TK2: variants seen among roughly 807,000 people sequenced by gnomAD.
TK2 encodes the protein thymidine kinase 2.
In TK2, 35 loss-of-function variants were observed where a neutral mutation model predicts 41.9. The observed-to-expected ratio is 0.84, with a 90% CI of 0.64 to 1.11. The LOEUF is 1.11. Among genes scored for constraint, TK2 ranks in the 50% least tolerant of loss-of-function variants. The pLI is 0.00. For synonymous variants in TK2, 128 were observed against 129.1 expected, an observed-to-expected ratio of 0.99 and a Z score of 0.06; for missense variants, 320 against 351.1, an observed-to-expected ratio of 0.91 and a Z score of 0.71.
intron 3 of TK2, among the ~76,000 whole-genome samples, chr16:66,539,205 C>G (rs989833685): frequency 1.3e-5 from 2 of 152,122 alleles, no homozygotes; most frequent in African/African-American, 4.8e-5. Flanking sequence ...CCCAAGCCCC[C>G]CCTCCTCCCC....
intron 5 of TK2, 67 bp downstream of exon 5, chr16:66,531,313 G>A: frequency 6.7e-7 from 1 of 1,499,646 alleles, no homozygotes; most frequent in South Asian, 1.2e-5. Context: ...TTCCCTTCCT[G>A]GCAATCACAT....
At chr16:66,531,357 GA>G in intron 5 of TK2, 22 bp downstream of exon 5, 1 of 1,610,084 alleles carries the variant, frequency 6.2e-7, no homozygotes, top group Non-Finnish European at 8.5e-7. Flanking sequence ...TAAGAAGGCT[GA>G]AACTGAGCAT....
chr16:66,524,796 T>C (rs1043594638), intron 6 of TK2: 4 of 150,670 alleles, frequency 2.7e-5, no homozygotes, highest in Non-Finnish European at 6.0e-5. Context: ...CAGGTGGTTG[T>C]GGGAGAAGCT....
Position 66,517,776 on chromosome 16 carries a change from G to T in TK2, c.538+13C>A. The T allele has an allele frequency of 6.2e-7, 1 of 1,612,732 alleles. No homozygotes were observed. The highest frequency in any genetic ancestry group is 1.1e-5 in the South Asian group (1 of 91,070). On this transcript the variant is annotated intron_variant, in intron 7 of 9. Coordinates refer to ENST00000544898, the MANE Select transcript of TK2 (RefSeq NM_004614.5). The surrounding 1 kb of genome is among the most constrained non-coding windows in gnomAD (Gnocchi z 4.3). ...GAGAGACAAGAGAGGGAGGTGGGAG[G>T]GGTGCATCTCACCTATCAAATCAAC... is the stretch of plus-strand genomic sequence containing the variant.
Position 66,514,683 on chromosome 16 carries a change from C to T in TK2, c.619-872G>A, listed in dbSNP as rs1229513377. Reference sequence around the variant, plus strand: ...CGTCTGGGAGGTGTACCCAATAGCTCATTGAGAACGGGCCATGATGACGAT... The same window carrying T: ...CGTCTGGGAGGTGTACCCAATAGCTTATTGAGAACGGGCCATGATGACGAT... On this transcript the variant is annotated intron_variant, in intron 8 of 9. Transcript: ENST00000544898. This position sits in a 1 kb window ranked among gnomAD's most constrained non-coding sequence, Gnocchi z 4.2. Among the ~76,000 whole-genome samples, 1 of 152,122 alleles carries T rather than the reference C, an allele frequency of 6.6e-6. No homozygotes were observed. Among genetic ancestry groups the T allele is most frequent in the Non-Finnish European group, 1.5e-5 (1 of 68,026 alleles).
intron 3 of TK2, among the ~76,000 whole-genome samples, chr16:66,538,578 C>T (rs1434554723): frequency 6.6e-6 from 1 of 152,196 alleles, no homozygotes; most frequent in Non-Finnish European, 1.5e-5. Context: ...GAGGACACAA[C>T]AATAGCAAAA....
intron 6 of TK2, among the ~76,000 whole-genome samples, chr16:66,527,855 T>A (rs1210718360): frequency 6.6e-6 from 1 of 151,928 alleles, no homozygotes; most frequent in African/African-American, 2.4e-5. Context: ...TATGACGAAA[T>A]CCTGCCTCTA....
chr16:66,530,895 T>C (rs1164891345), intron 5 of TK2, among the ~76,000 whole-genome samples: 1 of 152,060 alleles, frequency 6.6e-6, no homozygotes, highest in Non-Finnish European at 1.5e-5. Context: ...CTAATTTTTG[T>C]ATTTTTTAGT....
At position 66,508,299 on chromosome 16, in the gene TK2, G is replaced by A. The variant is rs1036832676; in HGVS notation, c.*3669C>T. On this transcript the variant is annotated 3_prime_UTR_variant, in exon 10 of 10. Transcript: ENST00000544898. The stretch of plus-strand genomic sequence containing the variant: ...CATCTTATGTAAACTAAAGGAACAC[G>A]AAATTCACTCTAGCCTTAGGAAAGC... 3.3e-5 allele frequency: 5 copies of A among 152,218 alleles called. No individual in the cohort carries two copies. The highest frequency in any genetic ancestry group is 3.9e-4 in the East Asian group (2 of 5,194). The allele number at this position is 152,218 out of a possible 1,614,324, so 9.4% of individuals were successfully genotyped here. A position where few individuals can be genotyped will look rare whatever the true frequency, so the allele number is the denominator to read the frequency against.
chr16:66,534,698 G>A (rs1015863698), intron 4 of TK2, among the ~76,000 whole-genome samples: 1 of 152,202 alleles, frequency 6.6e-6, no homozygotes, highest in Admixed American at 6.5e-5. Context: ...CCTTATCATA[G>A]ACACATTCCC....
At chr16:66,513,701 T>G (rs775401681) in intron 9 of TK2, 30 bp downstream of exon 9, 1 of 1,604,596 alleles carries the variant, frequency 6.2e-7, no homozygotes, top group African/African-American at 1.3e-5. Flanking sequence ...TCTAGAACAG[T>G]CTCGTACCCT....
chr16:66,532,576 GC>G (rs1296427768), intron 4 of TK2, among the ~76,000 whole-genome samples: 2 of 151,830 alleles, frequency 1.3e-5, no homozygotes, highest in African/African-American at 4.8e-5. Flanking sequence ...CTGTACTCCA[GC>G]CTGGATGACA....
intron 6 of TK2, among the ~76,000 whole-genome samples, chr16:66,523,586 TGGGA>T (rs1964843533): frequency 6.6e-6 from 1 of 152,198 alleles, no homozygotes; most frequent in Non-Finnish European, 1.5e-5. Flanking sequence ...CCCAACACTT[TGGGA>T]GGCTGAGGCA....
chr16:66,548,253 C>A (rs560762113), intron 2 of TK2, among the ~76,000 whole-genome samples: 1 of 152,178 alleles, frequency 6.6e-6, no homozygotes, highest in Non-Finnish European at 1.5e-5. Context: ...ACCCTGAGTA[C>A]GCTGGGGGCC....
rs1965590285 is a variant in TK2 at position 66,545,821 on chromosome 16, C to A, written c.156+3157G>T. On this transcript the variant is annotated intron_variant, in intron 2 of 9. Coordinates refer to ENST00000544898, the MANE Select transcript of TK2 (RefSeq NM_004614.5). ...CCTGGGCAACAGAGAGAAACTCCAT[C>A]TCAAAAAAGAAAAAAAAAAAATGTG... Among the ~76,000 whole-genome samples, 4 of 150,608 alleles carry A rather than the reference C, an allele frequency of 2.7e-5. No homozygotes were observed. The South Asian group carries it at 8.4e-4, about 31-fold the overall frequency.
At chr16:66,512,800 A>C (rs979670828) in intron 9 of TK2, among the ~76,000 whole-genome samples, 3 of 152,106 alleles carry the variant, frequency 2.0e-5, no homozygotes, top group Non-Finnish European at 4.4e-5. Context: ...AACAAACAAA[A>C]AATTACTACA....
chr16:66,537,823 T>C (rs1008199917), intron 3 of TK2, among the ~76,000 whole-genome samples: 1 of 152,110 alleles, frequency 6.6e-6, no homozygotes, highest in Non-Finnish European at 1.5e-5. Flanking sequence ...GAAGGGGCCA[T>C]AGGTGACAAA....
intron 1 of TK2, chr16:66,549,397 T>C (rs1965711961): frequency 1.8e-6 from 2 of 1,106,698 alleles, no homozygotes; most frequent in South Asian, 5.2e-5. Context: ...GGTGTTCCTC[T>C]AGGCCCAGGG....
At chr16:66,530,244 G>A (rs897407991) in intron 5 of TK2, among the ~76,000 whole-genome samples, 4 of 152,224 alleles carry the variant, frequency 2.6e-5, no homozygotes, top group African/African-American at 4.8e-5. Flanking sequence ...GACTGGGACC[G>A]AACTGTCCAG....
Sources: gnomAD v4.1 joint callset for allele counts (sites outside exome capture counted in the v4.1 genomes callset) on GRCh38, gnomAD v4.1.1 for gene constraint, Gnocchi (gnomAD v3.1) non-coding constraint, MANE v1.5 for transcripts, NCBI Gene and HGNC (gene_info 2026-07-23, HGNC 2026-07-21) for gene names.